The following RBFOX1 variants were observed in gnomAD, a reference collection of about 807,000 sequenced individuals.
RBFOX1 encodes RNA binding protein fox-1 homolog 1.
In RBFOX1, 8 loss-of-function variants were observed where a neutral mutation model predicts 57.7. The ratio of observed to expected loss-of-function variants is 0.14; its 90% CI spans 0.08 to 0.25. The LOEUF (loss-of-function observed/expected upper bound fraction) is 0.25, where lower values mean the gene tolerates loss of function less well. RBFOX1 is among the 10% of genes least tolerant of loss of function. The pLI is 1.00. For synonymous variants in RBFOX1, 326 were observed against 222.4 expected, an observed-to-expected ratio of 1.47 and a Z score of -4.15; for missense variants, 611 against 548.5, an observed-to-expected ratio of 1.11 and a Z score of -1.14.
At chr16:6,888,662 C>T (rs370694294) in intron 3 of RBFOX1, among the ~76,000 whole-genome samples, 4 of 152,056 alleles carry the variant, frequency 2.6e-5, no homozygotes, top group Non-Finnish European at 5.9e-5. Context: ...CTATTTCTGA[C>T]CCAGATGTCT....
chr16:7,138,572 A>C (rs536757924), intron 4 of RBFOX1, among the ~76,000 whole-genome samples: 2 of 152,258 alleles, frequency 1.3e-5, no homozygotes, highest in South Asian at 4.1e-4. Flanking sequence ...TTTTATCCTC[A>C]TCCCCACTTT....
At chr16:6,225,466 G>C (rs2097409462) in intron 1 of RBFOX1, among the ~76,000 whole-genome samples, 2 of 152,194 alleles carry the variant, frequency 1.3e-5, no homozygotes, top group African/African-American at 4.8e-5. Context: ...ACCCGGGAAT[G>C]ATGTCAGTAA....
intron 3 of RBFOX1, among the ~76,000 whole-genome samples, chr16:6,852,659 G>A (rs1311167034): frequency 6.6e-6 from 1 of 152,036 alleles, no homozygotes; most frequent in Admixed American, 6.6e-5. Context: ...GGAACTAGCT[G>A]TCCAGGTAAG....
At chr16:5,309,680 G>C (rs900955636) in intron 1 of RBFOX1, among the ~76,000 whole-genome samples, 5 of 152,088 alleles carry the variant, frequency 3.3e-5, no homozygotes, top group African/African-American at 1.2e-4. Context: ...TCACCCTTCT[G>C]AGTCTCTGGT....
intron 1 of RBFOX1, among the ~76,000 whole-genome samples, chr16:5,287,836 C>G (rs1186158688): frequency 6.6e-6 from 1 of 152,220 alleles, no homozygotes; most frequent in Non-Finnish European, 1.5e-5. Flanking sequence ...TGCTCCGATT[C>G]TTCAGTGGGA....
rs1223522746 is a variant in RBFOX1 at position 5,242,985 on chromosome 16, TG to T, written c.219+2886del. Among the ~76,000 whole-genome samples, 3 of 33,842 alleles carry T rather than the reference TG, an allele frequency of 8.9e-5. No individual in the cohort carries two copies. In the Admixed American group the frequency reaches 1.2e-3, roughly 14 times the overall value. The allele number at this position is 33,842 out of a possible 152,430, so 22.2% of individuals were successfully genotyped here. On this transcript the variant is annotated intron_variant, in intron 1 of 2. Coordinates refer to the RBFOX1 transcript ENST00000585867. ...GCATGTGATTATGGTGGGGACGTGG[TG>T]GGGGGTGGAGGGTGGAGGGTGGGGG...
At chr16:7,187,663 T>G (rs1360184786) in intron 4 of RBFOX1, among the ~76,000 whole-genome samples, 4 of 110,242 alleles carry the variant, frequency 3.6e-5, no homozygotes, top group African/African-American at 7.2e-5. Context: ...CAGTCCAGCC[T>G]GGGCAACAGA....
intron 3 of RBFOX1, among the ~76,000 whole-genome samples, chr16:7,016,886 C>A (rs1458627316): frequency 6.6e-6 from 1 of 152,148 alleles, no homozygotes; most frequent in African/African-American, 2.4e-5. Context: ...CTGGCTGTCA[C>A]TTGACCCTGT....
chr16:6,263,840 C>T (rs2097716648), intron 1 of RBFOX1, among the ~76,000 whole-genome samples: 2 of 152,182 alleles, frequency 1.3e-5, no homozygotes, highest in Admixed American at 6.5e-5. Flanking sequence ...CCCAAAATGC[C>T]ATTCCAAAGG....
intron 1 of RBFOX1, among the ~76,000 whole-genome samples, chr16:6,094,140 G>T (rs575278467): frequency 7.9e-5 from 12 of 152,226 alleles, no homozygotes; most frequent in African/African-American, 2.9e-4. Flanking sequence ...TTCCAGTTTT[G>T]ACCTGAGCTT....
intron 3 of RBFOX1, among the ~76,000 whole-genome samples, chr16:6,840,859 C>T (rs1243440838): frequency 1.4e-5 from 2 of 143,126 alleles, no homozygotes; most frequent in African/African-American, 2.7e-5. Context: ...TGTACTCTAG[C>T]CTGGGCGACG....
intron 2 of RBFOX1, among the ~76,000 whole-genome samples, chr16:6,554,737 C>G (rs1012307336): frequency 6.6e-6 from 1 of 150,450 alleles, no homozygotes; most frequent in African/African-American, 2.5e-5. Flanking sequence ...CACACACACA[C>G]ACACACACAC....
intron 1 of RBFOX1, among the ~76,000 whole-genome samples, chr16:6,136,931 C>G (rs961010941): frequency 6.6e-6 from 1 of 152,140 alleles, no homozygotes; most frequent in Non-Finnish European, 1.5e-5. Context: ...AAACAATTTA[C>G]CAAGCAGTGG....
At chr16:7,365,714 A>C (rs920032000) in intron 4 of RBFOX1, among the ~76,000 whole-genome samples, 1 of 152,234 alleles carries the variant, frequency 6.6e-6, no homozygotes, top group Admixed American at 6.5e-5. Flanking sequence ...ATAGCACCCA[A>C]AATATCAAGA....
chr16:5,675,077 G>A (rs938363576), intron 3 of RBFOX1, among the ~76,000 whole-genome samples: 1 of 152,144 alleles, frequency 6.6e-6, no homozygotes, highest in African/African-American at 2.4e-5. Context: ...GAGCCCAAGA[G>A]GTCAAGGCTG....
intron 3 of RBFOX1, among the ~76,000 whole-genome samples, chr16:5,738,353 C>G (rs1343013027): frequency 6.6e-6 from 1 of 151,574 alleles, no homozygotes; most frequent in Non-Finnish European, 1.5e-5. Context: ...AAGTATAGCC[C>G]AGGTGCGGTG....
At chr16:7,642,222 G>A (rs1321814751) in intron 11 of RBFOX1, among the ~76,000 whole-genome samples, 2 of 152,174 alleles carry the variant, frequency 1.3e-5, no homozygotes, top group Non-Finnish European at 2.9e-5. Flanking sequence ...GGGTGTTTTG[G>A]AGGCTCTGGC....
chr16:7,111,335 C>T (rs903631410), intron 4 of RBFOX1, among the ~76,000 whole-genome samples: 1 of 152,200 alleles, frequency 6.6e-6, no homozygotes, highest in African/African-American at 2.4e-5. Flanking sequence ...CCCGACTTTG[C>T]AGACGGAGCT....
chr16:5,512,590 C>A (rs1312552183), intron 2 of RBFOX1, among the ~76,000 whole-genome samples: 1 of 152,080 alleles, frequency 6.6e-6, no homozygotes, highest in East Asian at 1.9e-4. Flanking sequence ...AATCTCTGGA[C>A]CTTAGTTGTT....
Sources: allele counts gnomAD v4.1 joint callset (sites outside exome capture counted in the v4.1 genomes callset), GRCh38; gene constraint gnomAD v4.1.1; transcripts MANE v1.5; gene names NCBI Gene and HGNC (gene_info 2026-07-23, HGNC 2026-07-21).